SHANK2: variants seen among roughly 807,000 people sequenced by gnomAD.
The protein encoded by SHANK2 is SH3 and multiple ankyrin repeat domains protein 2.
A neutral mutation model predicts 133.7 loss-of-function variants in SHANK2; 43 were observed. The ratio of observed to expected loss-of-function variants is 0.32; its 90% CI spans 0.25 to 0.41. The LOEUF is 0.41. Among genes scored for constraint, SHANK2 ranks in the 10% least tolerant of loss-of-function variants. The pLI is 1.00. For missense variants in SHANK2, 1,994 were observed against 2,235.8 expected (o/e 0.89, Z 2.18); for synonymous variants, 1,017 against 952.8 (o/e 1.07, Z -1.24).
At chr11:71,170,611 T>C (rs1953294968) in intron 2 of SHANK2, among the ~76,000 whole-genome samples, 1 of 152,350 alleles carries the variant, frequency 6.6e-6, no homozygotes, top group East Asian at 1.9e-4. Context: ...ACACGTCATG[T>C]GGGCTTCCGC....
chr11:71,210,225 T>TATATATATATATATATATATATA (rs2135682272), intron 2 of SHANK2, among the ~76,000 whole-genome samples: 1 of 66,406 alleles, frequency 1.5e-5, no homozygotes, highest in South Asian at 7.3e-4. Flanking sequence ...TATATATATA[T>TATATATATATATATATATATATA]ATATATATAT....
chr11:70,605,129 T>C (rs1417193901), intron 17 of SHANK2, among the ~76,000 whole-genome samples: 3 of 152,206 alleles, frequency 2.0e-5, no homozygotes, highest in Non-Finnish European at 4.4e-5. Flanking sequence ...GGCTTGAGCC[T>C]GGGATGGCGC....
chr11:70,522,077 C>T (rs941105650), intron 17 of SHANK2, among the ~76,000 whole-genome samples: 2 of 152,262 alleles, frequency 1.3e-5, no homozygotes, highest in Non-Finnish European at 2.9e-5. Flanking sequence ...CCCAGGCTAC[C>T]TCCACCTCCT....
intron 14 of SHANK2, among the ~76,000 whole-genome samples, chr11:70,793,310 C>G (rs1347817572): frequency 6.6e-6 from 1 of 152,176 alleles, no homozygotes. Context: ...ATGGAGATGA[C>G]TGTGGGACTT....
At chr11:71,089,641 A>G (rs902397600) in intron 8 of SHANK2, among the ~76,000 whole-genome samples, 144,716 of 152,030 alleles carry the variant, frequency 0.95, 68,925 homozygotes, top group African/African-American at 0.96. Flanking sequence ...AGCAGTGGGT[A>G]GGGTCTGTGG....
intron 17 of SHANK2, among the ~76,000 whole-genome samples, chr11:70,617,439 A>C (rs566310996): frequency 2.8e-4 from 43 of 152,308 alleles, no homozygotes; most frequent in African/African-American, 1.0e-3. Context: ...CAGCCCTGCC[A>C]TAAAAGAAAG....
intron 1 of SHANK2, among the ~76,000 whole-genome samples, chr11:71,233,511 G>A (rs1168774546): frequency 7.9e-5 from 12 of 151,926 alleles, no homozygotes; most frequent in Middle Eastern, 3.2e-3. Context: ...TGGTTTTGGC[G>A]TCTTTATTGG....
chr11:70,848,653 T>C (rs540425179), intron 11 of SHANK2, among the ~76,000 whole-genome samples: 4 of 152,322 alleles, frequency 2.6e-5, no homozygotes, highest in African/African-American at 9.6e-5. Context: ...CACAGACCTG[T>C]GCTTTGCAGA....
At chr11:71,140,354 T>G (rs1555105535) in intron 3 of SHANK2, among the ~76,000 whole-genome samples, 2 of 152,212 alleles carry the variant, frequency 1.3e-5, no homozygotes, top group Non-Finnish European at 2.9e-5. Context: ...GCTCCATCCA[T>G]CACTCCAACA....
At chr11:70,898,298 A>ACACG (rs1305313693) in intron 10 of SHANK2, among the ~76,000 whole-genome samples, 1 of 149,592 alleles carries the variant, frequency 6.7e-6, no homozygotes, top group African/African-American at 2.5e-5. Context: ...ACACACACAC[A>ACACG]CACACACACA....
intron 17 of SHANK2, among the ~76,000 whole-genome samples, chr11:70,515,713 A>G (rs1366971369): frequency 6.6e-6 from 1 of 150,748 alleles, no homozygotes; most frequent in Non-Finnish European, 1.5e-5. Flanking sequence ...CCAGCTATTC[A>G]GGAGGCTGAG....
intron 11 of SHANK2, among the ~76,000 whole-genome samples, chr11:70,850,140 C>G (rs773631030): frequency 6.6e-5 from 10 of 152,162 alleles, no homozygotes; most frequent in African/African-American, 9.7e-5. Flanking sequence ...GCACAGTGCC[C>G]TCAAGGTCTC....
In SHANK2 at chr11:70,837,795, C is replaced by T. The variant is rs552413768; in HGVS notation, c.1175-17113G>A. On this transcript the variant is annotated intron_variant, in intron 11 of 25. Transcript: ENST00000601538. ...TTCGAGACCAGCCTGGCCAACATAG[C>T]GAAACCCTGTTTCTACTAAAAACAC... is the stretch of plus-strand genomic sequence containing the variant. Among the ~76,000 whole-genome samples, 24 of 151,572 alleles carry T rather than the reference C, an allele frequency of 1.6e-4. 1 individual carries two copies. The East Asian group carries it at 3.3e-3, about 21-fold the overall frequency.
chr11:70,863,992 A>G (rs1949307032), intron 11 of SHANK2: 1 of 390,984 alleles, frequency 2.6e-6, no homozygotes, highest in Non-Finnish European at 5.0e-6. Flanking sequence ...TGGCAGCCCC[A>G]GCAAACAAAA....
intron 14 of SHANK2, among the ~76,000 whole-genome samples, chr11:70,788,959 C>T (rs1245202784): frequency 2.6e-5 from 4 of 152,154 alleles, no homozygotes; most frequent in Admixed American, 1.3e-4. Flanking sequence ...AATGTTATGC[C>T]CATTAGTCCT....
rs79309520 is a variant in SHANK2 at position 70,799,831 on chromosome 11, G to A, written c.1664-1275C>T. On this transcript the variant is annotated intron_variant, in intron 13 of 25. Transcript: ENST00000601538. The stretch of plus-strand genomic sequence containing the variant: ...CACAGTAGGCCCTCAATGAACATCC[G>A]CTGGAAGAATAAAGCATGTTTGTTT... Among the ~76,000 whole-genome samples the A allele has an allele frequency of 4.8e-3, 728 of 152,256 alleles. 8 individuals carry two copies. Among genetic ancestry groups the A allele is most frequent in the African/African-American group, 0.017 (689 of 41,550 alleles).
chr11:70,598,559 C>T (rs74479633), intron 17 of SHANK2, among the ~76,000 whole-genome samples: 3,914 of 152,238 alleles, frequency 0.026, 185 homozygotes, highest in African/African-American at 0.091. Flanking sequence ...GAACACTCCC[C>T]AGCTTCTTGG....
In SHANK2 at chr11:70,473,213, C is replaced by A. The variant is rs373088156; in HGVS notation, c.5206G>T (p.Ala1736Ser). The A allele has an allele frequency of 1.2e-6, 2 of 1,610,568 alleles. No individual in the cohort carries two copies. The highest frequency in any genetic ancestry group is 1.1e-5 in the South Asian group (1 of 90,986). ...GGAAGGCTAAAGACATCTGAGAGAGCGGGAGAAGGAGAGGCGGTGGCAGCA... is the reference window on the plus strand; with the variant it reads ...GGAAGGCTAAAGACATCTGAGAGAGAGGGAGAAGGAGAGGCGGTGGCAGCA... Reference protein sequence around the residue: ...LSAATASPSPALSDVFSLPSQ... With the variant: ...LSAATASPSPSLSDVFSLPSQ... The change falls in exon 26 of 26, where the codon GCT becomes TCT. Residue 1736 changes from alanine to serine, a missense_variant. Ala to Ser is a moderately conservative substitution (Grantham distance 99, BLOSUM62 1). Coordinates refer to ENST00000601538, the MANE Select transcript of SHANK2 (RefSeq NM_012309.5). The surrounding 1 kb of genome is among the most constrained non-coding windows in gnomAD (Gnocchi z 5.9).
intron 17 of SHANK2, among the ~76,000 whole-genome samples, chr11:70,556,744 A>G (rs2059837337): frequency 6.6e-6 from 1 of 151,924 alleles, no homozygotes; most frequent in African/African-American, 2.4e-5. Flanking sequence ...GGCATGTGCT[A>G]CCACGTCCAG....
Sources: allele counts gnomAD v4.1 joint callset (sites outside exome capture counted in the v4.1 genomes callset), GRCh38; gene constraint gnomAD v4.1.1; non-coding constraint Gnocchi (gnomAD v3.1); transcripts MANE v1.5; gene names NCBI Gene and HGNC (gene_info 2026-07-23, HGNC 2026-07-21).